Variants in SLC4A3 observed in about 807,000 individuals in gnomAD.
The protein encoded by SLC4A3 is anion exchange protein 3.
In SLC4A3, 47 loss-of-function variants were observed where a neutral mutation model predicts 114.2. That is an observed-to-expected ratio of 0.41 (90% CI 0.33 to 0.52). The LOEUF (loss-of-function observed/expected upper bound fraction) is 0.52, where lower values mean the gene tolerates loss of function less well. Among genes scored for constraint, SLC4A3 ranks in the 20% least tolerant of loss-of-function variants. The probability of loss-of-function intolerance (pLI) is 0.21; values close to 1 mark genes in which losing one functional copy is unlikely to be tolerated. For synonymous variants in SLC4A3, 693 were observed against 710.3 expected, an observed-to-expected ratio of 0.98 and a Z score of 0.39; for missense variants, 1,312 against 1,668.3, an observed-to-expected ratio of 0.79 and a Z score of 3.72.
chr2:219,639,755 C>G lies in SLC4A3; in HGVS notation c.3277+20C>G. 6.3e-7 allele frequency: 1 copy of G among 1,597,886 alleles called. No homozygotes were observed. The highest frequency in any genetic ancestry group is 8.5e-7 in the Non-Finnish European group (1 of 1,176,720). On this transcript the variant is annotated intron_variant, in intron 20 of 22. Coordinates refer to ENST00000358055, the MANE Select transcript of SLC4A3 (RefSeq NM_005070.4). The surrounding 1 kb of genome is among the most constrained non-coding windows in gnomAD (Gnocchi z 5.9). Reference sequence around the variant, plus strand: ...TCGTGGGTGAGAGCCCGCCTCCACCCTGCACACCCCCTTCCTTGGGCCCCA... The same window carrying G: ...TCGTGGGTGAGAGCCCGCCTCCACCGTGCACACCCCCTTCCTTGGGCCCCA...
Position 219,633,847 on chromosome 2 carries a change from GGTCCCAGCCCTATTCCAGTTCTGC to G in SLC4A3, c.1462-28_1462-5del, listed in dbSNP as rs753051648. On this transcript the variant is annotated splice_polypyrimidine_tract_variant and intron_variant, in intron 10 of 22. Coordinates refer to ENST00000358055, the MANE Select transcript of SLC4A3 (RefSeq NM_005070.4). Reference sequence around the variant, plus strand: ...AGGGCCTGCCACGGCCTCCGGTCTGGGTCCCAGCCCTATTCCAGTTCTGCGTCCTCAGAAGCCCCTCCACATGCC... The same window carrying G: ...AGGGCCTGCCACGGCCTCCGGTCTGGGTCCTCAGAAGCCCCTCCACATGCC... The G allele has an allele frequency of 3.2e-6, 5 of 1,551,362 alleles. No homozygotes were observed. The African/African-American group carries it at 6.8e-5, about 21-fold the overall frequency.
rs1246161509 is a variant in SLC4A3, at chr2:219,628,517, C to T, written c.164C>T (p.Pro55Leu). The change falls in exon 3 of 23, where the codon CCG becomes CTG. Residue 55 changes from proline to leucine, a missense_variant. Pro to Leu is a moderately conservative substitution (Grantham distance 98). This residue lies in a region of SLC4A3 where 236 missense variants were observed against 212.1 expected (regional missense o/e 1.11). Transcript: ENST00000358055. This position sits in a 1 kb window ranked among gnomAD's most constrained non-coding sequence, Gnocchi z 4.8. ...TTTGGGGACCTCATCAGCAAGCCCC[C>T]GGCCTGGGACCCCGAGAAGCCCAGC... ...SRFGDLISKP[P>L]AWDPEKPSRS... The T allele has an allele frequency of 2.5e-5, 40 of 1,613,364 alleles. 1 individual carries two copies. In the Admixed American group the frequency reaches 5.2e-4, roughly 21 times the overall value.
At position 219,636,471 on chromosome 2, in the gene SLC4A3, G is replaced by C; in HGVS notation, c.2340+21G>C. 7.6e-6 allele frequency: 12 copies of C among 1,584,046 alleles called. No homozygotes were observed. Among genetic ancestry groups the C allele is most frequent in the Non-Finnish European group, 9.4e-6 (11 of 1,166,442 alleles). On this transcript the variant is annotated intron_variant, in intron 15 of 22. Transcript: ENST00000358055. The surrounding 1 kb of genome is among the most constrained non-coding windows in gnomAD (Gnocchi z 5.5). ...TCAAGGTGAGGCGAAGCCTTGCCCT[G>C]CTCCATCCATCCTGCCCCACACTCT...
intron 8 of SLC4A3, 73 bp downstream of exon 8, chr2:219,632,515 A>G (rs1193208329): frequency 6.9e-7 from 1 of 1,451,172 alleles, no homozygotes; most frequent in Non-Finnish European, 9.2e-7. Context: ...GTTCCCAGGA[A>G]CACTCTCTAG....
At position 219,630,073 on chromosome 2, in the gene SLC4A3, C is replaced by A. The variant is rs1411996913; in HGVS notation, c.612-80C>A. On this transcript the variant is annotated intron_variant, in intron 5 of 22. Transcript: ENST00000358055. The surrounding 1 kb of genome is among the most constrained non-coding windows in gnomAD (Gnocchi z 6.9). ...TCTCATGCTCAGGGTCTACTCCAGG[C>A]CGTGCTCTGAGCTGAGGGACGGTGA... The A allele has an allele frequency of 1.3e-6, 2 of 1,571,784 alleles. No homozygotes were observed. The highest frequency in any genetic ancestry group is 2.4e-5 in the South Asian group (2 of 83,558).
chr2:219,628,259 G>A lies in SLC4A3; in HGVS notation c.52-146G>A, dbSNP rs1474556810. 3.2e-6 allele frequency: 3 copies of A among 934,780 alleles called. No homozygotes were observed. The Admixed American group carries it at 8.8e-5, about 27-fold the overall frequency. The allele number at this position is 934,780 out of a possible 1,614,324, so 57.9% of individuals were successfully genotyped here. ...GGGAGCCCAGAGAGGGTGGTTTCTG[G>A]GATGCTGACACAGGCCTGGGAGCAA... On this transcript the variant is annotated intron_variant, in intron 2 of 22. Transcript: ENST00000358055. This position sits in a 1 kb window ranked among gnomAD's most constrained non-coding sequence, Gnocchi z 4.8.
intron 12 of SLC4A3, among the ~76,000 whole-genome samples, chr2:219,634,890 G>A (rs1699062786): frequency 6.6e-6 from 1 of 152,192 alleles, no homozygotes; most frequent in Non-Finnish European, 1.5e-5. Context: ...CTTTGCTGTG[G>A]CTTCTCCTGG....
chr2:219,633,115 CAGAG>C, intron 9 of SLC4A3, 106 bp downstream of exon 9: 2 of 1,436,422 alleles, frequency 1.4e-6, no homozygotes, highest in East Asian at 2.3e-5. Context: ...CCACAAGTGA[CAGAG>C]AGCTCATTTC....
rs1034684717 is a variant in SLC4A3 at position 219,639,990 on chromosome 2, C to T, written c.3277+255C>T. 2.0e-5 allele frequency among the ~76,000 whole-genome samples: 3 copies of T among 152,070 alleles called. No individual in the cohort carries two copies. Among genetic ancestry groups the T allele is most frequent in the East Asian group, 3.9e-4 (2 of 5,166 alleles). On this transcript the variant is annotated intron_variant, in intron 20 of 22. Coordinates refer to ENST00000358055, the MANE Select transcript of SLC4A3 (RefSeq NM_005070.4). The surrounding 1 kb of genome is among the most constrained non-coding windows in gnomAD (Gnocchi z 5.9). ...TGTCACCCAGGCTGGAGTGCAGTGG[C>T]GCGATCTCGGCTCACTGCAAGCTCC...
chr2:219,641,258 A>G lies in SLC4A3; in HGVS notation c.3621+296A>G, dbSNP rs1004172468. 3.9e-5 allele frequency among the ~76,000 whole-genome samples: 6 copies of G among 152,144 alleles called. No homozygotes were observed. The highest frequency in any genetic ancestry group is 1.4e-4 in the African/African-American group (6 of 41,412). ...CAGCTGTGCAGGTGGTGCCTGACCA[A>G]AAACACCCGGCTGAGAGGCTACAGG... is the stretch of plus-strand genomic sequence containing the variant. On this transcript the variant is annotated intron_variant, in intron 22 of 22. Coordinates refer to ENST00000358055, the MANE Select transcript of SLC4A3 (RefSeq NM_005070.4). The surrounding 1 kb of genome is among the most constrained non-coding windows in gnomAD (Gnocchi z 4.0).
Position 219,630,413 on chromosome 2 carries a change from G to A in SLC4A3, c.811+61G>A. On this transcript the variant is annotated intron_variant, in intron 6 of 22. Transcript: ENST00000358055. The surrounding 1 kb of genome is among the most constrained non-coding windows in gnomAD (Gnocchi z 6.9). ...TGCGACGGACTCCCAGCCTGCGAGTGACCTTGGAGAGGCTCTGAGCTGTCC... is the reference window on the plus strand; with the variant it reads ...TGCGACGGACTCCCAGCCTGCGAGTAACCTTGGAGAGGCTCTGAGCTGTCC... The A allele has an allele frequency of 6.6e-7, 1 of 1,514,530 alleles. No individual in the cohort carries two copies. Among genetic ancestry groups the A allele is most frequent in the Non-Finnish European group, 8.9e-7 (1 of 1,125,692 alleles). 93.8% of individuals were successfully genotyped at this position (1,514,530 alleles called of 1,614,324 possible). A position where few individuals can be genotyped will look rare whatever the true frequency, so the allele number is the denominator to read the frequency against.
At position 219,629,703 on chromosome 2, in the gene SLC4A3, C is replaced by T; in HGVS notation, c.611+8C>T. 6.3e-7 allele frequency: 1 copy of T among 1,586,994 alleles called. No homozygotes were observed. On this transcript the variant is annotated splice_region_variant and intron_variant, in intron 5 of 22. Coordinates refer to ENST00000358055, the MANE Select transcript of SLC4A3 (RefSeq NM_005070.4). ...CCCCCAGCACTCCAGCAGGTACTGG[C>T]TGCAGCCTCTACTCAGCAGGGCCCA...
intron 11 of SLC4A3, 24 bp downstream of exon 11, chr2:219,634,003 G>T (rs1275805952): frequency 6.5e-7 from 1 of 1,526,794 alleles, no homozygotes; most frequent in Non-Finnish European, 8.8e-7. Flanking sequence ...GGCGCCGGGG[G>T]CAGGGTCTGC....
chr2:219,635,358 C>T lies in SLC4A3; in HGVS notation c.1834C>T (p.Pro612Ser). The T allele has an allele frequency of 1.9e-6, 3 of 1,614,176 alleles. No individual in the cohort carries two copies. The highest frequency in any genetic ancestry group is 2.5e-6 in the Non-Finnish European group (3 of 1,180,014). ...SEFLDGSIVI[P>S]PSEVEGRDLL... ...GTTCCTGGATGGCAGCATTGTGATCCCCCCGTCCGAGGTGGAGGGCCGTGA... is the reference window on the plus strand; with the variant it reads ...GTTCCTGGATGGCAGCATTGTGATCTCCCCGTCCGAGGTGGAGGGCCGTGA... Residue 612 changes from proline (P) to serine (S), a missense_variant, in exon 13 of 23, where the codon CCC (proline) becomes TCC (serine). Transcript: ENST00000358055.
Position 219,636,223 on chromosome 2 carries a change from C to G in SLC4A3, c.2192-79C>G, listed in dbSNP as rs1699111795. ...GGCTGCTCTGCTTTTGTTGGGGGCCCCAGTTTAGGACAAGCTAGATGAAGA... is the reference window on the plus strand; with the variant it reads ...GGCTGCTCTGCTTTTGTTGGGGGCCGCAGTTTAGGACAAGCTAGATGAAGA... On this transcript the variant is annotated intron_variant, in intron 14 of 22. Coordinates refer to ENST00000358055, the MANE Select transcript of SLC4A3 (RefSeq NM_005070.4). The surrounding 1 kb of genome is among the most constrained non-coding windows in gnomAD (Gnocchi z 5.5). 1.9e-6 allele frequency: 3 copies of G among 1,571,452 alleles called. No individual in the cohort carries two copies. The highest frequency in any genetic ancestry group is 2.2e-5 in the East Asian group (1 of 44,738).
Position 219,631,017 on chromosome 2 carries a change from C to A in SLC4A3, c.811+665C>A. ...AGGGACAGGAACAATCCGATGGCAGCAGTAGCAGCAGGATGGGGGGTGGGG... is the reference window on the plus strand; with the variant it reads ...AGGGACAGGAACAATCCGATGGCAGAAGTAGCAGCAGGATGGGGGGTGGGG... On this transcript the variant is annotated intron_variant, in intron 6 of 22. Coordinates refer to ENST00000358055, the MANE Select transcript of SLC4A3 (RefSeq NM_005070.4). This position sits in a 1 kb window ranked among gnomAD's most constrained non-coding sequence, Gnocchi z 6.3. The A allele has an allele frequency of 1.6e-6, 1 of 637,940 alleles. No individual in the cohort carries two copies. Among genetic ancestry groups the A allele is most frequent in the Non-Finnish European group, 2.0e-6 (1 of 493,436 alleles). 39.5% of individuals were successfully genotyped at this position (637,940 alleles called of 1,614,324 possible).
chr2:219,628,426 C>T lies in SLC4A3; in HGVS notation c.73C>T (p.Pro25Ser). Residue 25 changes from proline to serine, a missense_variant, in exon 3 of 23, where the codon CCC (proline) becomes TCC (serine). Pro to Ser is a moderately conservative substitution (Grantham distance 74). Around this residue, in one of 4 missense-constraint regions of SLC4A3, gnomAD observed 236 missense variants for 212.1 expected, o/e 1.11. Coordinates refer to ENST00000358055, the MANE Select transcript of SLC4A3 (RefSeq NM_005070.4). This position sits in a 1 kb window ranked among gnomAD's most constrained non-coding sequence, Gnocchi z 4.8. ...LPQVRVPLEE[P>S]PLSPDVEEED... The stretch of plus-strand genomic sequence containing the variant: ...GCAGGTCCGGGTGCCCTTGGAGGAG[C>T]CCCCTCTAAGTCCAGACGTGGAGGA... 5 of 1,612,590 alleles carry T rather than the reference C, an allele frequency of 3.1e-6. No individual in the cohort carries two copies. The highest frequency in any genetic ancestry group is 4.2e-6 in the Non-Finnish European group (5 of 1,179,490).
Position 219,631,358 on chromosome 2 carries a change from C to G in SLC4A3, c.812-610C>G. The G allele has an allele frequency of 7.7e-7, 1 of 1,304,250 alleles. No individual in the cohort carries two copies. Among genetic ancestry groups the G allele is most frequent in the Non-Finnish European group, 1.0e-6 (1 of 988,942 alleles). The allele number at this position is 1,304,250 out of a possible 1,614,324, so 80.8% of individuals were successfully genotyped here. A position where few individuals can be genotyped will look rare whatever the true frequency, so the allele number is the denominator to read the frequency against. ...CCCCCAGTCCTCGAGACTCACTGGC[C>G]CCGGAAGACTTAGAGATGTTTGTGC... is the stretch of plus-strand genomic sequence containing the variant. On this transcript the variant is annotated intron_variant, in intron 6 of 22. Transcript: ENST00000358055. This position sits in a 1 kb window ranked among gnomAD's most constrained non-coding sequence, Gnocchi z 6.3.
chr2:219,640,441 G>A lies in SLC4A3; in HGVS notation c.3289G>A (p.Val1097Ile), dbSNP rs143043512. ...GTCACCTCCTCCAGGCCTGTCCATC[G>A]TCATGGGGGCTGTGCTGCGTCGGAT... ...LIASLVGLSIVMGAVLRRIPL... is the reference protein window; with the variant it reads ...LIASLVGLSIIMGAVLRRIPL... The change falls in exon 21 of 23, where the codon GTC becomes ATC. Residue 1097 changes from valine (V) to isoleucine (I), a missense_variant. Val to Ile is a conservative substitution (Grantham distance 29). Transcript: ENST00000358055. 7.2e-5 allele frequency: 116 copies of A among 1,613,226 alleles called. No individual in the cohort carries two copies. Among genetic ancestry groups the A allele is most frequent in the African/African-American group, 1.2e-4 (9 of 74,874 alleles).
Sources: allele counts gnomAD v4.1 joint callset (sites outside exome capture counted in the v4.1 genomes callset), GRCh38; gene constraint gnomAD v4.1.1; regional missense constraint gnomAD v4.1.1; non-coding constraint Gnocchi (gnomAD v3.1); transcripts MANE v1.5; gene names NCBI Gene and HGNC (gene_info 2026-07-23, HGNC 2026-07-21).